COL27A1: variants seen among roughly 807,000 people sequenced by gnomAD.
COL27A1 encodes collagen alpha-1(XXVII) chain.
Under a neutral mutation model 251.3 loss-of-function variants are expected in COL27A1, and 106 were observed. That is an observed-to-expected ratio of 0.42 (90% CI 0.36 to 0.50). COL27A1 has a LOEUF of 0.50. COL27A1 is among the 20% of genes least tolerant of loss of function. COL27A1 has a pLI of 0.00. For synonymous variants in COL27A1, 1,000 were observed against 986.3 expected (o/e 1.01, Z -0.26); for missense variants, 2,325 against 2,522.8 (o/e 0.92, Z 1.68).
At chr9:114,254,123 G>T (rs1466402376) in intron 27 of COL27A1, among the ~76,000 whole-genome samples, 2 of 152,140 alleles carry the variant, frequency 1.3e-5, no homozygotes, top group Admixed American at 1.3e-4. Flanking sequence ...TCTGGTATGG[G>T]GGGGCAGGGT....
intron 14 of COL27A1, among the ~76,000 whole-genome samples, chr9:114,227,371 T>TCAGA (rs1831551511): frequency 7.7e-6 from 1 of 130,520 alleles, no homozygotes. Flanking sequence ...GACTGTGGGG[T>TCAGA]CAGACAGACA....
At chr9:114,216,807 C>T (rs953870486) in intron 12 of COL27A1, among the ~76,000 whole-genome samples, 1 of 152,070 alleles carries the variant, frequency 6.6e-6, no homozygotes, top group Non-Finnish European at 1.5e-5. Context: ...TCCCGGAGGC[C>T]CTCAGCGTGT....
At chr9:114,240,362 G>A (rs1564511469) in intron 20 of COL27A1, 72 bp from the exon 21 acceptor site, 8 of 1,588,954 alleles carry the variant, frequency 5.0e-6, no homozygotes, top group Non-Finnish European at 6.9e-6. Context: ...GGAAGCAGGG[G>A]TTGCCTTGCC....
chr9:114,163,844 T>C (rs1247125178), intron 2 of COL27A1, among the ~76,000 whole-genome samples: 1 of 143,818 alleles, frequency 7.0e-6, no homozygotes, highest in Non-Finnish European at 1.5e-5. Context: ...GAGTCCTGAG[T>C]CAGTCACTGG....
At chr9:114,193,101 C>T (rs57274170) in intron 5 of COL27A1, among the ~76,000 whole-genome samples, 9,855 of 152,120 alleles carry the variant, frequency 0.065, 887 homozygotes, top group African/African-American at 0.2. Flanking sequence ...TGCCTGAGGT[C>T]CCACTGTGAG....
chr9:114,166,327 CTACT>C (rs1848855742), intron 2 of COL27A1, among the ~76,000 whole-genome samples: 1 of 149,902 alleles, frequency 6.7e-6, no homozygotes, highest in Non-Finnish European at 1.5e-5. Context: ...ATACATCCAT[CTACT>C]CATCTATCCT....
At position 114,169,020 on chromosome 9, in the gene COL27A1, T is replaced by C. The variant is rs755996688; in HGVS notation, c.1465T>C (p.Ser489Pro). The C allele has an allele frequency of 6.2e-7, 1 of 1,613,942 alleles. No homozygotes were observed. The highest frequency in any genetic ancestry group is 8.5e-7 in the Non-Finnish European group (1 of 1,179,966). Residue 489 changes from serine (S) to proline (P), a missense_variant, in exon 3 of 61, where the codon TCA becomes CCA. Coordinates refer to ENST00000356083, the MANE Select transcript of COL27A1 (RefSeq NM_032888.4). ...HKPPPFTALSSSPAPTPGSTR... is the reference protein window; with the variant it reads ...HKPPPFTALSPSPAPTPGSTR... ...ACCTCCCCCATTTACTGCTTTATCC[T>C]CATCTCCTGCCCCTACTCCTGGTTC...
Position 114,283,089 on chromosome 9 carries a change from G to C in COL27A1, c.3879+525G>C, listed in dbSNP as rs557335641. Reference sequence around the variant, plus strand: ...GAAGCCAGGGAAGGAGGCTGAAGAGGGTGACACAGCAGCTCCGATCTGGTT... The same window carrying C: ...GAAGCCAGGGAAGGAGGCTGAAGAGCGTGACACAGCAGCTCCGATCTGGTT... On this transcript the variant is annotated intron_variant, in intron 39 of 60. Coordinates refer to ENST00000356083, the MANE Select transcript of COL27A1 (RefSeq NM_032888.4). 4.6e-5 allele frequency among the ~76,000 whole-genome samples: 7 copies of C among 152,308 alleles called. No homozygotes were observed. The South Asian group carries it at 1.2e-3, about 27-fold the overall frequency.
chr9:114,189,212 T>G (rs543120338), intron 5 of COL27A1, among the ~76,000 whole-genome samples: 1 of 152,316 alleles, frequency 6.6e-6, no homozygotes, highest in East Asian at 1.9e-4. Context: ...CTTAAAAAAT[T>G]AAAACCATCT....
chr9:114,216,461 G>A (rs773193618), intron 12 of COL27A1, among the ~76,000 whole-genome samples: 1 of 152,184 alleles, frequency 6.6e-6, no homozygotes, highest in Non-Finnish European at 1.5e-5. Context: ...CTCAGCAGCC[G>A]CCACCCTAAG....
chr9:114,304,583 C>T, intron 56 of COL27A1, 25 bp from the exon 57 acceptor site: 2 of 1,613,440 alleles, frequency 1.2e-6, no homozygotes. Context: ...GGCCACGATA[C>T]ATACCCTGTC....
intron 29 of COL27A1, among the ~76,000 whole-genome samples, 193 bp from the exon 30 acceptor site, chr9:114,264,731 A>G (rs1588818496): frequency 1.3e-5 from 2 of 151,376 alleles, no homozygotes; most frequent in Non-Finnish European, 3.0e-5. Context: ...TTGGTTCTCC[A>G]CCTGGAGCAG....
At position 114,290,165 on chromosome 9, in the gene COL27A1, C is replaced by T; in HGVS notation, c.4260+54C>T. The T allele has an allele frequency of 6.3e-7, 1 of 1,590,280 alleles. No homozygotes were observed. Among genetic ancestry groups the T allele is most frequent in the Non-Finnish European group, 8.6e-7 (1 of 1,164,838 alleles). The stretch of plus-strand genomic sequence containing the variant: ...CAACCTCCCTGCCCGCCCCCCACAC[C>T]CGCCCTCCTCCCACTCCCTGCACCA... On this transcript the variant is annotated intron_variant, in intron 46 of 60. Transcript: ENST00000356083. The surrounding 1 kb of genome is among the most constrained non-coding windows in gnomAD (Gnocchi z 4.6).
chr9:114,235,763 G>C, intron 17 of COL27A1, 111 bp downstream of exon 17: 4 of 792,478 alleles, frequency 5.0e-6, no homozygotes, highest in Non-Finnish European at 9.1e-6. Flanking sequence ...CCTGTAAGAC[G>C]GCTGCCCTCG....
chr9:114,208,330 GATCAGCTATT>G (rs1830115675), intron 10 of COL27A1, among the ~76,000 whole-genome samples: 1 of 152,058 alleles, frequency 6.6e-6, no homozygotes, highest in Non-Finnish European at 1.5e-5. Context: ...GATCACCTGT[GATCAGCTATT>G]CAGGAGACTG....
At chr9:114,209,165 T>A (rs1448937738) in intron 10 of COL27A1, among the ~76,000 whole-genome samples, 1 of 152,198 alleles carries the variant, frequency 6.6e-6, no homozygotes, top group Non-Finnish European at 1.5e-5. Flanking sequence ...GTAGCATGCA[T>A]GTGCCTGGCA....
chr9:114,221,111 T>C (rs7847216), intron 13 of COL27A1, among the ~76,000 whole-genome samples: 114,176 of 151,978 alleles, frequency 0.75, 43,513 homozygotes, highest in South Asian at 0.89. Context: ...ATCCGGGGTA[T>C]AGTCCTGCCT....
intron 5 of COL27A1, among the ~76,000 whole-genome samples, chr9:114,193,745 G>A (rs913728413): frequency 2.0e-5 from 3 of 152,056 alleles, no homozygotes; most frequent in Non-Finnish European, 4.4e-5. Context: ...CTCATGTAGA[G>A]ACCCATGAAA....
chr9:114,213,243 A>G (rs1056312552), intron 12 of COL27A1, among the ~76,000 whole-genome samples: 13 of 152,122 alleles, frequency 8.5e-5, no homozygotes, highest in African/African-American at 3.1e-4. Context: ...CCAACCGGAC[A>G]CAGCAAGGAA....
Sources: allele counts gnomAD v4.1 joint callset (sites outside exome capture counted in the v4.1 genomes callset), GRCh38; gene constraint gnomAD v4.1.1; non-coding constraint Gnocchi (gnomAD v3.1); transcripts MANE v1.5; gene names NCBI Gene and HGNC (gene_info 2026-07-23, HGNC 2026-07-21).